THSD7B: variants seen among roughly 807,000 people sequenced by gnomAD.
THSD7B encodes the protein thrombospondin type 1 domain containing 7B.
THSD7B carries 138 observed loss-of-function variants against 213.6 expected under a neutral mutation model. The observed-to-expected ratio is 0.65, with a 90% CI of 0.56 to 0.74. The LOEUF is 0.74. Ranked by LOEUF, THSD7B falls within the 30% of genes least tolerant of loss-of-function variation. The probability of loss-of-function intolerance (pLI) is 0.00; values close to 1 mark genes in which losing one functional copy is unlikely to be tolerated. For missense variants in THSD7B, 1,931 were observed against 1,991.5 expected (o/e 0.97, Z 0.58); for synonymous variants, 742 against 687.0 (o/e 1.08, Z -1.25).
At chr2:137,129,321 G>C (rs1329868697) in intron 5 of THSD7B, among the ~76,000 whole-genome samples, 1 of 151,962 alleles carries the variant, frequency 6.6e-6, no homozygotes, top group East Asian at 1.9e-4. Flanking sequence ...CTCTGTACAG[G>C]ATAATTTAGA....
intron 20 of THSD7B, among the ~76,000 whole-genome samples, chr2:137,628,012 A>T (rs184304152): frequency 1.3e-5 from 2 of 152,356 alleles, no homozygotes; most frequent in Non-Finnish European, 2.9e-5. Context: ...CAAATTCTTT[A>T]TCTATAAATT....
At chr2:137,407,224 T>G (rs549485007) in intron 13 of THSD7B, among the ~76,000 whole-genome samples, 2 of 152,342 alleles carry the variant, frequency 1.3e-5, no homozygotes, top group African/African-American at 4.8e-5. Flanking sequence ...TGAATTTGAC[T>G]TTTATTGAAA....
At chr2:137,637,258 T>C (rs1682850624) in intron 20 of THSD7B, among the ~76,000 whole-genome samples, 2 of 152,224 alleles carry the variant, frequency 1.3e-5, no homozygotes, top group Non-Finnish European at 2.9e-5. Flanking sequence ...TCTTTATTGA[T>C]AACATCCACA....
At chr2:137,211,759 T>C (rs544083934) in intron 7 of THSD7B, among the ~76,000 whole-genome samples, 1 of 152,228 alleles carries the variant, frequency 6.6e-6, no homozygotes, top group East Asian at 1.9e-4. Flanking sequence ...TTTTTTGTTA[T>C]TTTTGTCACT....
At chr2:137,212,402 C>G (rs1681132037) in intron 7 of THSD7B, among the ~76,000 whole-genome samples, 1 of 151,976 alleles carries the variant, frequency 6.6e-6, no homozygotes, top group South Asian at 2.1e-4. Context: ...CATCAGAAAA[C>G]TCTTCAGAAT....
At chr2:137,356,203 T>C (rs576947624) in intron 12 of THSD7B, among the ~76,000 whole-genome samples, 1 of 152,332 alleles carries the variant, frequency 6.6e-6, no homozygotes, top group East Asian at 1.9e-4. Context: ...TTATGCTTAC[T>C]ACTTTTATTT....
At chr2:137,498,427 G>A (rs538012608) in intron 15 of THSD7B, among the ~76,000 whole-genome samples, 37 of 151,610 alleles carry the variant, frequency 2.4e-4, no homozygotes, top group Non-Finnish European at 3.4e-4. Flanking sequence ...TTGGCTGTGC[G>A]TCTTACTTCG....
At chr2:137,172,879 A>G (rs751897706) in intron 7 of THSD7B, among the ~76,000 whole-genome samples, 4 of 152,152 alleles carry the variant, frequency 2.6e-5, no homozygotes, top group Admixed American at 6.5e-5. Context: ...GTGTTGGAGA[A>G]TTGTGTGGTT....
chr2:137,013,458 A>T lies in THSD7B; in HGVS notation c.140-42962A>T, dbSNP rs140049591. On this transcript the variant is annotated intron_variant, in intron 2 of 27. Coordinates refer to ENST00000409968, the MANE Select transcript of THSD7B (RefSeq NM_001316349.2). ...GATCAAGGCTGCTAGAGTTCTTAGGATAGGGTACAAGAAAGGAGAGAACTG... is the reference window on the plus strand; with the variant it reads ...GATCAAGGCTGCTAGAGTTCTTAGGTTAGGGTACAAGAAAGGAGAGAACTG... 4.6e-3 allele frequency among the ~76,000 whole-genome samples: 698 copies of T among 152,292 alleles called. 6 individuals carry two copies. Among genetic ancestry groups the T allele is most frequent in the African/African-American group, 0.015 (639 of 41,570 alleles).
intron 15 of THSD7B, among the ~76,000 whole-genome samples, chr2:137,462,854 T>C (rs1687911349): frequency 6.6e-6 from 1 of 151,970 alleles, no homozygotes. Context: ...GTGCTTCCTT[T>C]AAGTGAATAG....
rs186576574 is a variant in THSD7B, at chr2:137,363,654, C to T, written c.2501-41959C>T. 1.8e-3 allele frequency among the ~76,000 whole-genome samples: 271 copies of T among 152,254 alleles called. 1 individual carries two copies. The highest frequency in any genetic ancestry group is 5.9e-3 in the African/African-American group (246 of 41,556). ...AAAATCTAGAAGAAATGGATAAATT[C>T]CTCAACACATACACCCTCCCAAGGC... On this transcript the variant is annotated intron_variant, in intron 12 of 27. Coordinates refer to ENST00000409968, the MANE Select transcript of THSD7B (RefSeq NM_001316349.2).
intron 5 of THSD7B, among the ~76,000 whole-genome samples, chr2:137,150,936 G>A (rs1679807686): frequency 6.6e-6 from 1 of 152,116 alleles, no homozygotes; most frequent in African/African-American, 2.4e-5. Flanking sequence ...TAAAAATACA[G>A]TGTAAAAGAT....
chr2:136,776,323 A>C (rs983687118), intron 1 of THSD7B, among the ~76,000 whole-genome samples: 4 of 152,136 alleles, frequency 2.6e-5, no homozygotes, highest in African/African-American at 7.2e-5. Flanking sequence ...ATCTTATTTC[A>C]TGGTGTTTTG....
intron 1 of THSD7B, among the ~76,000 whole-genome samples, chr2:136,848,618 A>G (rs965455193): frequency 3.3e-5 from 5 of 152,202 alleles, no homozygotes; most frequent in African/African-American, 1.2e-4. Context: ...GTGAGGGGCA[A>G]TGAAGACTTA....
At chr2:136,937,465 C>T (rs554190894) in intron 2 of THSD7B, among the ~76,000 whole-genome samples, 108 of 152,152 alleles carry the variant, frequency 7.1e-4, no homozygotes, top group South Asian at 1.9e-3. Flanking sequence ...AGTTGGCAGG[C>T]GTACTTTATG....
chr2:136,957,822 T>C (rs912047238), intron 2 of THSD7B, among the ~76,000 whole-genome samples: 1 of 152,232 alleles, frequency 6.6e-6, no homozygotes, highest in African/African-American at 2.4e-5. Context: ...TTGCTAACAG[T>C]GTTTTAGCCT....
At chr2:136,899,229 T>C (rs368081182) in intron 2 of THSD7B, among the ~76,000 whole-genome samples, 2 of 152,194 alleles carry the variant, frequency 1.3e-5, no homozygotes, top group African/African-American at 4.8e-5. Flanking sequence ...AGATCCACCT[T>C]GTAGGCTATG....
At chr2:137,395,894 G>C (rs1282206871) in intron 12 of THSD7B, among the ~76,000 whole-genome samples, 1 of 150,630 alleles carries the variant, frequency 6.6e-6, no homozygotes, top group Non-Finnish European at 1.5e-5. Context: ...AGTCTTGGGA[G>C]AGTGTATGTG....
At chr2:136,818,231 G>T (rs1285791378) in intron 1 of THSD7B, among the ~76,000 whole-genome samples, 2 of 147,792 alleles carry the variant, frequency 1.4e-5, no homozygotes, top group Non-Finnish European at 3.0e-5. Context: ...AAAATGATGA[G>T]TTCATGTCCT....
Sources: gnomAD v4.1 joint callset for allele counts (sites outside exome capture counted in the v4.1 genomes callset) on GRCh38, gnomAD v4.1.1 for gene constraint, MANE v1.5 for transcripts, NCBI Gene and HGNC (gene_info 2026-07-23, HGNC 2026-07-21) for gene names.